The following UBR1 variants were observed in gnomAD, a reference collection of about 807,000 sequenced individuals.
UBR1 encodes E3 ubiquitin-protein ligase UBR1.
UBR1 carries 102 observed loss-of-function variants against 242.1 expected under a neutral mutation model. That is an observed-to-expected ratio of 0.42 (90% CI 0.36 to 0.50). The LOEUF is 0.50. UBR1 is among the 20% of genes least tolerant of loss of function. The probability of loss-of-function intolerance (pLI) is 0.01; values close to 1 mark genes in which losing one functional copy is unlikely to be tolerated. For missense variants in UBR1, 1,772 were observed against 2,101.8 expected, an observed-to-expected ratio of 0.84 and a Z score of 3.07; for synonymous variants, 675 against 684.8, an observed-to-expected ratio of 0.99 and a Z score of 0.22.
chr15:43,066,343 A>G, intron 6 of UBR1, among the ~76,000 whole-genome samples: 1 of 152,184 alleles, frequency 6.6e-6, no homozygotes, highest in Non-Finnish European at 1.5e-5. Flanking sequence ...CTTTTGTACC[A>G]GTACCATGCT....
intron 4 of UBR1, among the ~76,000 whole-genome samples, chr15:43,071,337 G>C (rs190450067): frequency 8.8e-4 from 134 of 152,276 alleles, no homozygotes; most frequent in African/African-American, 3.0e-3. Flanking sequence ...ACATTGAAAA[G>C]AAATAGAACC....
intron 3 of UBR1, among the ~76,000 whole-genome samples, chr15:43,081,044 T>G (rs1206942407): frequency 5.3e-5 from 8 of 152,254 alleles, no homozygotes; most frequent in Non-Finnish European, 1.0e-4. Flanking sequence ...TTGGATCATA[T>G]GATAAAAGTA....
In UBR1 at chr15:42,970,502, T is replaced by G; in HGVS notation, c.4457+18A>C. The G allele has an allele frequency of 6.2e-7, 1 of 1,605,200 alleles. No homozygotes were observed. The highest frequency in any genetic ancestry group is 1.1e-5 in the South Asian group (1 of 90,906). On this transcript the variant is annotated intron_variant, in intron 40 of 46. Coordinates refer to ENST00000290650, the MANE Select transcript of UBR1 (RefSeq NM_174916.3). ...ATGGAATTATTACAATAGACTGAAC[T>G]AATGGATTGTTACTCACCCACTTGT...
At chr15:42,977,719 A>C (rs1312195097) in intron 38 of UBR1, among the ~76,000 whole-genome samples, 161 bp downstream of exon 38, 1 of 150,304 alleles carries the variant, frequency 6.7e-6, no homozygotes, top group Non-Finnish European at 1.5e-5. Context: ...GACAGTCTCC[A>C]TCAAATCTGT....
chr15:43,100,483 C>T (rs941454759), intron 1 of UBR1, among the ~76,000 whole-genome samples: 9 of 152,132 alleles, frequency 5.9e-5, no homozygotes, highest in Non-Finnish European at 1.0e-4. Context: ...TAATGTTGAT[C>T]CTCAGTTATT....
At position 42,990,073 on chromosome 15, in the gene UBR1, T is replaced by C; in HGVS notation, c.3805A>G (p.Thr1269Ala). The C allele has an allele frequency of 6.2e-7, 1 of 1,608,900 alleles. No individual in the cohort carries two copies. Among genetic ancestry groups the C allele is most frequent in the Non-Finnish European group, 8.5e-7 (1 of 1,177,052 alleles). Residue 1269 changes from threonine (T) to alanine (A), a missense_variant, in exon 34 of 47, where the codon ACT becomes GCT. Thr to Ala is a moderately conservative substitution (Grantham distance 58). Coordinates refer to ENST00000290650, the MANE Select transcript of UBR1 (RefSeq NM_174916.3). ...IFFNQGMGDS[T>A]LEFHSILSFG... ...CTCAGGATGGAATGGAACTCCAAAG[T>C]AGAATCTCCCATTCCTTGATTAAAG...
chr15:43,065,165 G>A (rs901996842), intron 6 of UBR1, among the ~76,000 whole-genome samples: 1 of 152,004 alleles, frequency 6.6e-6, no homozygotes, highest in South Asian at 2.1e-4. Context: ...TAGTAATATA[G>A]GTATTGACAT....
chr15:43,089,136 T>C (rs1392500321), intron 1 of UBR1, among the ~76,000 whole-genome samples: 1 of 150,450 alleles, frequency 6.6e-6, no homozygotes, highest in Non-Finnish European at 1.5e-5. Context: ...CACTCCAGCC[T>C]GAGCGACAGA....
At chr15:43,038,567 C>T (rs751616451) in intron 15 of UBR1, among the ~76,000 whole-genome samples, 1 of 151,962 alleles carries the variant, frequency 6.6e-6, no homozygotes, top group Admixed American at 6.6e-5. Context: ...GCACTTCAGC[C>T]TGGGTGACAG....
At chr15:43,104,235 C>T (rs1288518574) in intron 1 of UBR1, among the ~76,000 whole-genome samples, 1 of 152,088 alleles carries the variant, frequency 6.6e-6, no homozygotes, top group African/African-American at 2.4e-5. Context: ...ATCATTATCT[C>T]CAATTCCAAA....
intron 3 of UBR1, among the ~76,000 whole-genome samples, chr15:43,081,556 T>G (rs1008055141): frequency 6.6e-6 from 1 of 152,140 alleles, no homozygotes; most frequent in African/African-American, 2.4e-5. Context: ...TGCAATTCCC[T>G]AATGACAAAT....
intron 41 of UBR1, among the ~76,000 whole-genome samples, chr15:42,965,046 G>A (rs1567110038): frequency 6.6e-6 from 1 of 152,098 alleles, no homozygotes; most frequent in South Asian, 2.1e-4. Context: ...CAACTGTACT[G>A]TAGCACCTAT....
intron 1 of UBR1, among the ~76,000 whole-genome samples, chr15:43,092,570 T>C (rs961612822): frequency 5.9e-5 from 9 of 152,156 alleles, no homozygotes; most frequent in Admixed American, 2.0e-4. Flanking sequence ...ATTTTTTTTT[T>C]CTAAGACAGA....
chr15:42,989,650 G>A (rs2032525882), intron 34 of UBR1, among the ~76,000 whole-genome samples: 2 of 152,136 alleles, frequency 1.3e-5, no homozygotes, highest in South Asian at 4.2e-4. Flanking sequence ...TGAACGGGTG[G>A]TGGCATGGAG....
rs1228962550 is a variant in UBR1, at chr15:42,943,098, T to C, written c.*2231A>G. ...CATCATCACAGTGAACCAAAATGCA[T>C]AGTTGTTATGAAATGACAAATGACC... On this transcript the variant is annotated 3_prime_UTR_variant, in exon 47 of 47. Transcript: ENST00000290650. The C allele has an allele frequency of 6.6e-6, 1 of 152,582 alleles. No individual in the cohort carries two copies. Among genetic ancestry groups the C allele is most frequent in the Non-Finnish European group, 1.5e-5 (1 of 68,026 alleles). 9.5% of individuals were successfully genotyped at this position (152,582 alleles called of 1,614,324 possible). A position where few individuals can be genotyped will look rare whatever the true frequency, so the allele number is the denominator to read the frequency against.
intron 35 of UBR1, among the ~76,000 whole-genome samples, chr15:42,987,685 T>A (rs1255922581): frequency 1.6e-5 from 2 of 125,310 alleles, no homozygotes; most frequent in African/African-American, 6.1e-5. Flanking sequence ...TGCACTCCAG[T>A]CTGCCAATAG....
At position 43,017,123 on chromosome 15, in the gene UBR1, G is replaced by C; in HGVS notation, c.2999C>G (p.Ser1000Ter). The C allele has an allele frequency of 6.2e-7, 1 of 1,613,734 alleles. No homozygotes were observed. Among genetic ancestry groups the C allele is most frequent in the South Asian group, 1.1e-5 (1 of 91,070 alleles). Residue 1000 changes from serine to a stop codon, truncating the protein, a stop_gained, in exon 28 of 47, where the codon TCA becomes TGA. Transcript: ENST00000290650. LOFTEE classifies it high-confidence loss of function. Reference sequence around the variant, plus strand: ...ATCATTCTTAATAGATTCCGATCCTGATGTGGTTGCTACAATTAAACAAGA... The same window carrying C: ...ATCATTCTTAATAGATTCCGATCCTCATGTGGTTGCTACAATTAAACAAGA... ...EKSCLIVATTSGSESIKNDEI... is the reference protein window; with the variant it reads ...EKSCLIVATT
chr15:43,042,920 G>C (rs954770827), intron 15 of UBR1, among the ~76,000 whole-genome samples: 1 of 152,080 alleles, frequency 6.6e-6, no homozygotes, highest in African/African-American at 2.4e-5. Flanking sequence ...CCAGCAACCA[G>C]ATTTTATTAT....
At chr15:43,013,909 C>G (rs1233609563) in intron 29 of UBR1, among the ~76,000 whole-genome samples, 1 of 150,286 alleles carries the variant, frequency 6.7e-6, no homozygotes, top group African/African-American at 2.4e-5. Flanking sequence ...CCCTCTCTTT[C>G]CATGGTCTCC....
Sources: allele counts gnomAD v4.1 joint callset (sites outside exome capture counted in the v4.1 genomes callset), GRCh38; gene constraint gnomAD v4.1.1; transcripts MANE v1.5; gene names NCBI Gene and HGNC (gene_info 2026-07-23, HGNC 2026-07-21).